LRBA: variants seen among roughly 807,000 people sequenced by gnomAD.
LRBA encodes LPS responsive beige-like anchor protein.
Under a neutral mutation model 330.0 loss-of-function variants are expected in LRBA, and 176 were observed. That is an observed-to-expected ratio of 0.53 (90% CI 0.47 to 0.60). The LOEUF is 0.60. Ranked by LOEUF, LRBA falls within the 20% of genes least tolerant of loss-of-function variation. The pLI is 0.00. For synonymous variants in LRBA, 1,230 were observed against 1,193.0 expected, an observed-to-expected ratio of 1.03 and a Z score of -0.64; for missense variants, 3,259 against 3,444.8, an observed-to-expected ratio of 0.95 and a Z score of 1.35.
intron 40 of LRBA, among the ~76,000 whole-genome samples, chr4:150,497,688 T>C (rs1306063861): frequency 6.6e-6 from 1 of 152,160 alleles, no homozygotes; most frequent in Non-Finnish European, 1.5e-5. Context: ...TAAAAATATA[T>C]AAATAAAATG....
At chr4:150,684,755 C>A (rs1783381334) in intron 36 of LRBA, among the ~76,000 whole-genome samples, 1 of 152,260 alleles carries the variant, frequency 6.6e-6, no homozygotes, top group East Asian at 1.9e-4. Context: ...CACCCCCACA[C>A]ACATATCCTT....
chr4:150,786,406 G>A (rs1228545120), intron 34 of LRBA, among the ~76,000 whole-genome samples: 1 of 152,028 alleles, frequency 6.6e-6, no homozygotes, highest in Non-Finnish European at 1.5e-5. Context: ...ACCACGCCCA[G>A]CTAATTTTTG....
chr4:150,626,470 T>A (rs1351228245), intron 37 of LRBA, among the ~76,000 whole-genome samples: 2 of 152,140 alleles, frequency 1.3e-5, no homozygotes, highest in Non-Finnish European at 2.9e-5. Context: ...ATCCTATCCT[T>A]CACTGAAAAA....
At chr4:150,711,531 C>T (rs1477267445) in intron 36 of LRBA, among the ~76,000 whole-genome samples, 1 of 152,100 alleles carries the variant, frequency 6.6e-6, no homozygotes, top group Non-Finnish European at 1.5e-5. Context: ...AGCCACCACA[C>T]CCAGCTGGAA....
chr4:150,929,185 C>A, intron 2 of LRBA, 120 bp from the exon 3 acceptor site: 2 of 600,342 alleles, frequency 3.3e-6, no homozygotes, highest in Non-Finnish European at 5.5e-6. Context: ...TCAAAAGGTT[C>A]ATTAAAAAAC....
At chr4:151,012,167 G>T (rs1744935182) in intron 2 of LRBA, among the ~76,000 whole-genome samples, 1 of 152,098 alleles carries the variant, frequency 6.6e-6, no homozygotes, top group Non-Finnish European at 1.5e-5. Context: ...CTTCTATCCA[G>T]GCACCTACTA....
At chr4:150,859,602 A>G (rs1468316418) in intron 22 of LRBA, among the ~76,000 whole-genome samples, 2 of 152,218 alleles carry the variant, frequency 1.3e-5, no homozygotes, top group Non-Finnish European at 2.9e-5. Context: ...AGAGCCTATT[A>G]CTGCTTATAA....
intron 40 of LRBA, among the ~76,000 whole-genome samples, chr4:150,495,426 T>C (rs555234779): frequency 6.6e-6 from 1 of 152,128 alleles, no homozygotes; most frequent in East Asian, 1.9e-4. Flanking sequence ...TTGTCAAAGG[T>C]GTCAAAAATT....
chr4:150,468,512 G>GT (rs1370342829), intron 43 of LRBA, among the ~76,000 whole-genome samples: 7 of 152,092 alleles, frequency 4.6e-5, no homozygotes, highest in South Asian at 2.1e-4. Context: ...ATGTACAGCA[G>GT]TTTTTTGGAT....
chr4:150,727,090 T>TTTG (rs1560736495), intron 36 of LRBA, among the ~76,000 whole-genome samples: 1 of 141,634 alleles, frequency 7.1e-6, no homozygotes, highest in Non-Finnish European at 1.5e-5. Flanking sequence ...TTTTTTTTTT[T>TTTG]GAGATGGAGT....
In LRBA at chr4:150,897,925, A is replaced by G; in HGVS notation, c.1925-107T>C. On this transcript the variant is annotated intron_variant, in intron 14 of 56. Transcript: ENST00000651943. ...GCTTTTCCATGTGTTTGTAAGAAAT[A>G]TAAAGGTAGGTCTCCTACAGAATGA... 1.5e-5 allele frequency: 11 copies of G among 736,288 alleles called. No homozygotes were observed. In the South Asian group the frequency reaches 1.7e-4, roughly 11 times the overall value. 45.6% of individuals were successfully genotyped at this position (736,288 alleles called of 1,614,324 possible).
At chr4:150,492,592 A>G (rs538462595) in intron 40 of LRBA, among the ~76,000 whole-genome samples, 2 of 152,256 alleles carry the variant, frequency 1.3e-5, no homozygotes, top group South Asian at 2.1e-4. Context: ...TCTGAAGTCT[A>G]CCATGACCAG....
At chr4:150,553,683 G>T (rs1357543463) in intron 40 of LRBA, among the ~76,000 whole-genome samples, 3 of 152,218 alleles carry the variant, frequency 2.0e-5, no homozygotes, top group Admixed American at 2.0e-4. Flanking sequence ...ACAGACAGAT[G>T]GGGGGTAGAA....
intron 34 of LRBA, among the ~76,000 whole-genome samples, chr4:150,765,838 T>C (rs1381854756): frequency 2.0e-5 from 3 of 152,128 alleles, no homozygotes; most frequent in Non-Finnish European, 2.9e-5. Context: ...AATTGTGCCA[T>C]TTAGATTTCA....
chr4:150,587,908 G>A (rs1156411826), intron 40 of LRBA, 140 bp downstream of exon 40: 8 of 796,924 alleles, frequency 1.0e-5, no homozygotes, highest in Non-Finnish European at 1.5e-5. Flanking sequence ...ATAAACTAAA[G>A]AAGATAATGA....
At chr4:150,973,313 A>G (rs987164701) in intron 2 of LRBA, among the ~76,000 whole-genome samples, 2 of 152,072 alleles carry the variant, frequency 1.3e-5, no homozygotes, top group Non-Finnish European at 2.9e-5. Context: ...GATTACAGGC[A>G]TGCGCCACCA....
chr4:150,775,449 T>G (rs1737146311), intron 34 of LRBA, among the ~76,000 whole-genome samples: 1 of 120,960 alleles, frequency 8.3e-6, no homozygotes, highest in African/African-American at 3.2e-5. Context: ...AAGTCTGCAA[T>G]GGAACACACA....
At chr4:150,609,299 A>G (rs886625269) in intron 37 of LRBA, among the ~76,000 whole-genome samples, 1 of 152,118 alleles carries the variant, frequency 6.6e-6, no homozygotes. Context: ...TGAAATGGAA[A>G]CCTTCTATTC....
At chr4:150,927,959 C>A (rs1191252824) in intron 4 of LRBA, among the ~76,000 whole-genome samples, 1 of 152,074 alleles carries the variant, frequency 6.6e-6, no homozygotes, top group African/African-American at 2.4e-5. Flanking sequence ...ATTGGAAATG[C>A]AACAAAAATG....
Sources: gnomAD v4.1 joint callset for allele counts (sites outside exome capture counted in the v4.1 genomes callset) on GRCh38, gnomAD v4.1.1 for gene constraint, MANE v1.5 for transcripts, NCBI Gene and HGNC (gene_info 2026-07-23, HGNC 2026-07-21) for gene names.